NAF1: variants seen among roughly 807,000 people sequenced by gnomAD.
The protein encoded by NAF1 is H/ACA ribonucleoprotein complex non-core subunit NAF1.
NAF1 carries 11 observed loss-of-function variants against 40.6 expected under a neutral mutation model. The ratio of observed to expected loss-of-function variants is 0.27; its 90% CI spans 0.17 to 0.45. The LOEUF is 0.45. Among genes scored for constraint, NAF1 ranks in the 20% least tolerant of loss-of-function variants. The pLI is 1.00. For missense variants in NAF1, 607 were observed against 611.1 expected (o/e 0.99, Z 0.07); for synonymous variants, 260 against 228.5 (o/e 1.14, Z -1.24).
At chr4:163,166,278 C>T (rs1560813025) in intron 1 of NAF1, 85 bp downstream of exon 1, 1 of 1,475,196 alleles carries the variant, frequency 6.8e-7, no homozygotes, top group Non-Finnish European at 9.0e-7. Context: ...CCCACACAAG[C>T]AACCTCTAGG....
Position 163,151,190 on chromosome 4 carries a change from T to TA in NAF1, c.541-2757_541-2756insT, listed in dbSNP as rs779555418. Among the ~76,000 whole-genome samples, 4 of 151,960 alleles carry TA rather than the reference T, an allele frequency of 2.6e-5. No homozygotes were observed. In the East Asian group the frequency reaches 7.7e-4, roughly 29 times the overall value. On this transcript the variant is annotated intron_variant, in intron 2 of 7. Coordinates refer to ENST00000274054, the MANE Select transcript of NAF1 (RefSeq NM_138386.3). ...ATCCACTCCCTTACCCCACAGCATGTTTTTTAGCTAAAGAAACTAAACAAT... is the reference window on the plus strand; with the variant it reads ...ATCCACTCCCTTACCCCACAGCATGTATTTTTAGCTAAAGAAACTAAACAAT...
rs184767266 is a variant in NAF1, at chr4:163,155,170, C to A, written c.541-6736G>T. ...CAAATTTAATCTACTGTATCACTAC[C>A]AAGCCTAGTCATTCTTTATCAAACT... On this transcript the variant is annotated intron_variant, in intron 2 of 7. Coordinates refer to ENST00000274054, the MANE Select transcript of NAF1 (RefSeq NM_138386.3). 3.9e-3 allele frequency among the ~76,000 whole-genome samples: 587 copies of A among 152,296 alleles called. 9 individuals are homozygous for A. Among genetic ancestry groups the A allele is most frequent in the Non-Finnish European group, 1.7e-3 (118 of 68,016 alleles).
In NAF1 at chr4:163,128,966, AGGGGGT is replaced by A; in HGVS notation, c.1410_1415del (p.Pro475_Pro476del). On this transcript the variant is annotated inframe_deletion, in exon 8 of 8. Transcript: ENST00000274054. ...GTGGAGGAGGCAGTGGTGGAGGGGG[AGGGGGT>A]GGGGGTAGGGAGTATGGTAAGTTAA... 3.6e-5 allele frequency: 12 copies of A among 328,992 alleles called. No individual in the cohort carries two copies. The highest frequency in any genetic ancestry group is 6.6e-5 in the Non-Finnish European group (11 of 165,816). The allele number at this position is 328,992 out of a possible 1,614,324, so 20.4% of individuals were successfully genotyped here.
chr4:163,142,109 G>A (rs1412693980), intron 4 of NAF1: 1 of 167,174 alleles, frequency 6.0e-6, no homozygotes, highest in Non-Finnish European at 1.2e-5. Context: ...CTTTGAAAAG[G>A]TTTAGATAAA....
In NAF1 at chr4:163,164,302, A is replaced by C; in HGVS notation, c.455T>G (p.Val152Gly). ...SSSSCISLPPVLSDGDDDLQI... is the reference protein window; with the variant it reads ...SSSSCISLPPGLSDGDDDLQI... ...TAAATCATCATCTCCATCTGACAGC[A>C]CTGGAGGAAGTGATATACAAGAGGA... The change falls in exon 2 of 8, where the codon GTG becomes GGG. Residue 152 changes from valine (V) to glycine (G), a missense_variant. By Grantham distance (109) the Val-to-Gly change is moderately radical (BLOSUM62 -3). Around this residue, in one of 3 missense-constraint regions of NAF1, gnomAD observed 407 missense variants for 365.5 expected, o/e 1.11. Transcript: ENST00000274054. 6.2e-7 allele frequency: 1 copy of C among 1,600,824 alleles called. No homozygotes were observed. Among genetic ancestry groups the C allele is most frequent in the Non-Finnish European group, 8.5e-7 (1 of 1,175,304 alleles).
At chr4:163,136,357 C>CA (rs1291625474) in intron 6 of NAF1, 2 of 135,348 alleles carry the variant, frequency 1.5e-5, no homozygotes, top group Middle Eastern at 3.7e-3. Context: ...AAAAAAAAAA[C>CA]TGTAATACTG....
In NAF1 at chr4:163,137,134, T is replaced by C. The variant is rs370905162; in HGVS notation, c.930+65A>G. On this transcript the variant is annotated intron_variant, in intron 6 of 7. Transcript: ENST00000274054. ...ATGACTTCCCTAACAGCAAGAATGA[T>C]AAAATTTATAAGATTAAGTCCTGCC... is the stretch of plus-strand genomic sequence containing the variant. The C allele has an allele frequency of 6.5e-5, 103 of 1,575,866 alleles. 1 individual carries two copies. Among genetic ancestry groups the C allele is most frequent in the Non-Finnish European group, 8.9e-5 (102 of 1,152,092 alleles).
At chr4:163,134,441 T>C (rs1730981020) in intron 6 of NAF1, among the ~76,000 whole-genome samples, 1 of 152,310 alleles carries the variant, frequency 6.6e-6, no homozygotes, top group South Asian at 2.1e-4. Flanking sequence ...TGCCTTCCAA[T>C]GCATAATTTC....
intron 1 of NAF1, among the ~76,000 whole-genome samples, chr4:163,165,185 T>C (rs150078939): frequency 1.3e-5 from 2 of 152,290 alleles, no homozygotes; most frequent in East Asian, 1.9e-4. Flanking sequence ...CCCACACTCA[T>C]AGCAAGTTAA....
chr4:163,111,740 G>A (rs1021829780), intron 2 of NAF1, among the ~76,000 whole-genome samples: 1 of 152,146 alleles, frequency 6.6e-6, no homozygotes, highest in Non-Finnish European at 1.5e-5. Context: ...TAGAGCCACC[G>A]CTAGTGTTTT....
intron 2 of NAF1, among the ~76,000 whole-genome samples, chr4:163,150,888 T>C (rs1369488186): frequency 2.6e-5 from 4 of 152,104 alleles, no homozygotes; most frequent in South Asian, 2.1e-4. Flanking sequence ...CCACAATGTA[T>C]GAGAGATTTC....
At chr4:163,109,130 A>G (rs76687351), downstream of NAF1, among the ~76,000 whole-genome samples, 4,473 of 149,742 alleles carry the variant, frequency 0.03, 143 homozygotes, top group East Asian at 0.16. Flanking sequence ...ATCTCCAGTC[A>G]TGTAAGGTTT....
chr4:163,166,859 A>G lies in NAF1; in HGVS notation c.-132T>C. Reference sequence around the variant, plus strand: ...CTGGGCCCAACTTCCCGCGTTTCTCAGGTAACTACACGCGGAGGAGCCAAA... The same window carrying G: ...CTGGGCCCAACTTCCCGCGTTTCTCGGGTAACTACACGCGGAGGAGCCAAA... On this transcript the variant is annotated 5_prime_UTR_variant, in exon 1 of 8. Transcript: ENST00000274054. 3.2e-6 allele frequency: 4 copies of G among 1,236,256 alleles called. No individual in the cohort carries two copies. Among genetic ancestry groups the G allele is most frequent in the Non-Finnish European group, 4.4e-6 (4 of 911,804 alleles). The allele number at this position is 1,236,256 out of a possible 1,614,324, so 76.6% of individuals were successfully genotyped here.
chr4:163,153,274 G>C (rs538630907), intron 2 of NAF1, among the ~76,000 whole-genome samples: 1 of 152,236 alleles, frequency 6.6e-6, no homozygotes, highest in Non-Finnish European at 1.5e-5. Context: ...CTGCAGCCCC[G>C]GTGCAGTGCG....
intron 5 of NAF1, among the ~76,000 whole-genome samples, chr4:163,138,098 T>C (rs904099872): frequency 6.6e-6 from 1 of 152,268 alleles, no homozygotes; most frequent in African/African-American, 2.4e-5. Context: ...GGACTAGATG[T>C]CCTTATTGTT....
At chr4:163,126,914 T>C, downstream of NAF1, 1 of 1,490,722 alleles carries the variant, frequency 6.7e-7, no homozygotes, top group South Asian at 1.4e-5. Context: ...AGGGTCATTA[T>C]TATTTTTTGA....
intron 2 of NAF1, among the ~76,000 whole-genome samples, chr4:163,148,901 C>T (rs577238128): frequency 3.9e-5 from 6 of 152,266 alleles, no homozygotes; most frequent in African/African-American, 1.4e-4. Flanking sequence ...GCAATCTTTT[C>T]TGCGACTGTG....
chr4:163,161,938 T>C (rs1732242114), intron 2 of NAF1, among the ~76,000 whole-genome samples: 1 of 152,060 alleles, frequency 6.6e-6, no homozygotes, highest in Non-Finnish European at 1.5e-5. Flanking sequence ...ACTCCCACCC[T>C]CTCGCACTAG....
chr4:163,129,496 T>C, intron 7 of NAF1, 148 bp from the exon 8 acceptor site: 1 of 905,858 alleles, frequency 1.1e-6, no homozygotes, highest in Non-Finnish European at 1.6e-6. Context: ...AAATTTGAAA[T>C]GAACTGAAAA....
Sources: gnomAD v4.1 joint callset for allele counts (sites outside exome capture counted in the v4.1 genomes callset) on GRCh38, gnomAD v4.1.1 for gene constraint, gnomAD v4.1.1 regional missense constraint, MANE v1.5 for transcripts, NCBI Gene and HGNC (gene_info 2026-07-23, HGNC 2026-07-21) for gene names.